The following SV2C variants were observed in gnomAD, a reference collection of about 807,000 sequenced individuals.
The protein encoded by SV2C is solute carrier family 22 member B3.
Under a neutral mutation model 79.7 loss-of-function variants are expected in SV2C, and 49 were observed. The ratio of observed to expected loss-of-function variants is 0.61; its 90% CI spans 0.49 to 0.78. The LOEUF (loss-of-function observed/expected upper bound fraction) is 0.78, where lower values mean the gene tolerates loss of function less well. Ranked by LOEUF, SV2C falls within the 30% of genes least tolerant of loss-of-function variation. The pLI is 0.00. For missense variants in SV2C, 833 were observed against 912.9 expected (o/e 0.91, Z 1.13); for synonymous variants, 334 against 333.2 (o/e 1.00, Z -0.03).
the SV2C span, among the ~76,000 whole-genome samples, chr5:75,871,362 C>A: frequency 6.6e-6 from 1 of 151,782 alleles, no homozygotes. Context: ...ATATTTGTTA[C>A]TATATTTAGA....
intron 2 of SV2C, among the ~76,000 whole-genome samples, chr5:76,191,570 C>G (rs1399327174): frequency 6.6e-6 from 1 of 152,164 alleles, no homozygotes; most frequent in East Asian, 1.9e-4. Context: ...AAAGACATGT[C>G]CCCTTAGGGA....
Position 76,300,941 on chromosome 5 carries a change from T to G in SV2C, c.1840+9T>G. The G allele has an allele frequency of 6.2e-7, 1 of 1,613,816 alleles. No individual in the cohort carries two copies. Reference sequence around the variant, plus strand: ...GCGCTTAACAATGCTAGGTATGTACTCAGTTTCATGTCAAATAAAAGAGCT... The same window carrying G: ...GCGCTTAACAATGCTAGGTATGTACGCAGTTTCATGTCAAATAAAAGAGCT... On this transcript the variant is annotated intron_variant, in intron 11 of 12. Coordinates refer to ENST00000502798, the MANE Select transcript of SV2C (RefSeq NM_014979.4).
chr5:75,872,873 A>G, the SV2C span, among the ~76,000 whole-genome samples: 4 of 152,090 alleles, frequency 2.6e-5, no homozygotes, highest in African/African-American at 9.7e-5. Context: ...ACAAACCTGC[A>G]TGTTGTGCAC....
chr5:75,900,299 A>G, the SV2C span, among the ~76,000 whole-genome samples: 1 of 152,048 alleles, frequency 6.6e-6, no homozygotes, highest in Admixed American at 6.6e-5. Context: ...TTTGTAAAGG[A>G]TTTTATTTCT....
chr5:76,314,574 G>A (rs572024168), intron 12 of SV2C, among the ~76,000 whole-genome samples: 1 of 152,292 alleles, frequency 6.6e-6, no homozygotes, highest in East Asian at 1.9e-4. Flanking sequence ...GTGTGGTGGA[G>A]GGTGGGTCGG....
chr5:75,996,743 G>A, the SV2C span, among the ~76,000 whole-genome samples: 1 of 151,746 alleles, frequency 6.6e-6, no homozygotes, highest in Admixed American at 6.6e-5. Flanking sequence ...TCTCTTTGAA[G>A]CAATTGTGAA....
At chr5:76,017,232 T>C in the SV2C span, among the ~76,000 whole-genome samples, 1 of 152,134 alleles carries the variant, frequency 6.6e-6, no homozygotes, top group Non-Finnish European at 1.5e-5. Flanking sequence ...CATTCCACAG[T>C]GTCTAATATT....
At chr5:76,090,166 C>T (rs927816388) in intron 1 of SV2C, among the ~76,000 whole-genome samples, 1 of 152,182 alleles carries the variant, frequency 6.6e-6, no homozygotes, top group African/African-American at 2.4e-5. Context: ...GCTGATAACA[C>T]CTAGGGCCAG....
intron 4 of SV2C, among the ~76,000 whole-genome samples, chr5:76,278,170 T>TTGTG (rs34826654): frequency 4.6e-4 from 70 of 150,752 alleles, no homozygotes; most frequent in South Asian, 1.7e-3. Context: ...CATGTACACA[T>TTGTG]TGTGTGTGTG....
the SV2C span, among the ~76,000 whole-genome samples, chr5:75,944,999 A>C: frequency 6.6e-6 from 1 of 152,126 alleles, no homozygotes. Context: ...AAAAAAACCC[A>C]CACAAAAATC....
intron 2 of SV2C, among the ~76,000 whole-genome samples, chr5:76,187,135 T>TA (rs1425524668): frequency 1.3e-5 from 2 of 152,158 alleles, no homozygotes; most frequent in Non-Finnish European, 2.9e-5. Flanking sequence ...CTAAGACTTT[T>TA]AAAAAATTGC....
chr5:75,910,967 C>T, the SV2C span: 4 of 909,512 alleles, frequency 4.4e-6, no homozygotes, highest in South Asian at 5.2e-5. Context: ...CATTTATCCC[C>T]CAGTTCGAAC....
At chr5:75,910,007 A>G in the SV2C span, among the ~76,000 whole-genome samples, 655 of 152,342 alleles carry the variant, frequency 4.3e-3, 4 homozygotes, top group African/African-American at 0.015. Context: ...TAGTTTGTGC[A>G]TCTTCAGGCA....
the SV2C span, among the ~76,000 whole-genome samples, chr5:75,905,301 C>T: frequency 1.3e-5 from 2 of 152,294 alleles, no homozygotes; most frequent in Admixed American, 6.5e-5. Context: ...TATGTAATAA[C>T]CGTCAAATGC....
rs1389572845 is a variant in SV2C at position 76,310,221 on chromosome 5, T to C, written c.2000+8676T>C. 2.6e-5 allele frequency among the ~76,000 whole-genome samples: 4 copies of C among 152,120 alleles called. No homozygotes were observed. The East Asian group carries it at 5.8e-4, about 22-fold the overall frequency. On this transcript the variant is annotated intron_variant, in intron 12 of 12. Transcript: ENST00000502798. ...AGATAAGTAAAGTAGATGTAGTATA[T>C]TGGATGGTGCTAAGTGCTGTAGAGA... is the stretch of plus-strand genomic sequence containing the variant.
the SV2C span, chr5:75,921,113 G>C: frequency 7.3e-6 from 6 of 819,664 alleles, no homozygotes; most frequent in African/African-American, 1.0e-4. Context: ...ATTGTGCACG[G>C]AGTTGGCCTT....
intron 4 of SV2C, among the ~76,000 whole-genome samples, chr5:76,281,999 A>C (rs1747213480): frequency 1.3e-5 from 2 of 152,210 alleles, no homozygotes; most frequent in Non-Finnish European, 2.9e-5. Context: ...CTACCATAAG[A>C]AGCTTCCTGC....
At chr5:75,928,449 T>C in the SV2C span, among the ~76,000 whole-genome samples, 2 of 152,204 alleles carry the variant, frequency 1.3e-5, no homozygotes, top group East Asian at 1.9e-4. Context: ...ATGTGATTCA[T>C]GGTAAACACA....
chr5:75,957,050 C>T, the SV2C span, among the ~76,000 whole-genome samples: 8 of 151,932 alleles, frequency 5.3e-5, no homozygotes, highest in African/African-American at 9.7e-5. Context: ...GAACACACTC[C>T]GTCATTTCCT....
Sources: allele counts gnomAD v4.1 joint callset (sites outside exome capture counted in the v4.1 genomes callset), GRCh38; gene constraint gnomAD v4.1.1; transcripts MANE v1.5; gene names NCBI Gene and HGNC (gene_info 2026-07-23, HGNC 2026-07-21).